The following TNS1 variants were observed in gnomAD, a reference collection of about 807,000 sequenced individuals.
The protein encoded by TNS1 is tensin 1, also known as tensin-1.
In TNS1, 62 loss-of-function variants were observed where a neutral mutation model predicts 168.6. The observed-to-expected ratio is 0.37, with a 90% CI of 0.30 to 0.45. The LOEUF (loss-of-function observed/expected upper bound fraction) is 0.45, where lower values mean the gene tolerates loss of function less well. TNS1 is among the 20% of genes least tolerant of loss of function. The probability of loss-of-function intolerance (pLI) is 1.00; values close to 1 mark genes in which losing one functional copy is unlikely to be tolerated. For missense variants in TNS1, 2,240 were observed against 2,339.4 expected (o/e 0.96, Z 0.88); for synonymous variants, 934 against 933.2 (o/e 1.00, Z -0.02).
chr2:217,808,507 GCACA>G (rs112279658), intron 31 of TNS1, 92 bp downstream of exon 31: 409 of 1,013,708 alleles, frequency 4.0e-4, no homozygotes, highest in Non-Finnish European at 5.0e-4. Context: ...GTATGCACAT[GCACA>G]CACACACACA....
rs562614756 is a variant in TNS1 at position 217,812,125 on chromosome 2, G to A, written c.5032+243C>T. Reference sequence around the variant, plus strand: ...GGATTCCATATGAATTTCTTCATACGGAGAGTTTTCCTGAACAATCTGGCA... The same window carrying A: ...GGATTCCATATGAATTTCTTCATACAGAGAGTTTTCCTGAACAATCTGGCA... On this transcript the variant is annotated intron_variant, in intron 28 of 32. Transcript: ENST00000682258. Among the ~76,000 whole-genome samples, 10 of 152,294 alleles carry A rather than the reference G, an allele frequency of 6.6e-5. No homozygotes were observed. The South Asian group carries it at 8.3e-4, about 13-fold the overall frequency.
intron 18 of TNS1, among the ~76,000 whole-genome samples, chr2:217,860,238 C>A (rs1328676458): frequency 6.6e-6 from 1 of 152,190 alleles, no homozygotes; most frequent in South Asian, 2.1e-4. Flanking sequence ...TTCAGCACCC[C>A]TCTCTGGCTG....
intron 22 of TNS1, chr2:217,830,515 C>T: frequency 8.8e-7 from 1 of 1,136,968 alleles, no homozygotes. Context: ...CCCTGTCTCC[C>T]TCCACCATAA....
intron 18 of TNS1, among the ~76,000 whole-genome samples, chr2:217,863,517 G>A (rs940401922): frequency 6.6e-6 from 1 of 152,128 alleles, no homozygotes; most frequent in Non-Finnish European, 1.5e-5. Context: ...ACAGGTGAGA[G>A]GCCCTGAGCT....
At chr2:217,946,965 T>A (rs1334717691) in intron 3 of TNS1, among the ~76,000 whole-genome samples, 26,116 of 128,240 alleles carry the variant, frequency 0.2, 3,987 homozygotes, top group African/African-American at 0.52. Context: ...TCTCTCTCTC[T>A]CTCTCACACA....
upstream of TNS1, among the ~76,000 whole-genome samples, chr2:218,006,845 T>G (rs1358043843): frequency 6.6e-6 from 1 of 151,680 alleles, no homozygotes; most frequent in Non-Finnish European, 1.5e-5. Context: ...ACTCTGAAGG[T>G]CCAAGCGAAT....
chr2:217,916,827 G>C (rs566353364), intron 4 of TNS1, among the ~76,000 whole-genome samples: 1 of 152,292 alleles, frequency 6.6e-6, no homozygotes, highest in East Asian at 1.9e-4. Context: ...AGATCAGTGA[G>C]AAGTCCAGAC....
At chr2:218,031,441 G>C (rs575613783) in intron 1 of TNS1, among the ~76,000 whole-genome samples, 1 of 150,762 alleles carries the variant, frequency 6.6e-6, no homozygotes, top group African/African-American at 2.5e-5. Flanking sequence ...GTGTGTGCAT[G>C]TGTGTATGAG....
chr2:217,999,908 T>G (rs536492310), intron 1 of TNS1, among the ~76,000 whole-genome samples: 3 of 152,194 alleles, frequency 2.0e-5, no homozygotes, highest in Non-Finnish European at 2.9e-5. Context: ...CTTAGCTGGC[T>G]CAGGGCAGAG....
At chr2:217,825,939 C>T (rs553968678) in intron 22 of TNS1, among the ~76,000 whole-genome samples, 1 of 152,308 alleles carries the variant, frequency 6.6e-6, no homozygotes, top group South Asian at 2.1e-4. Flanking sequence ...CAGGATGGCT[C>T]GCCCAGGGAG....
At chr2:217,976,676 A>G (rs1957904758) in intron 3 of TNS1, among the ~76,000 whole-genome samples, 1 of 152,146 alleles carries the variant, frequency 6.6e-6, no homozygotes, top group Non-Finnish European at 1.5e-5. Context: ...CATCTTTGCC[A>G]TTTGCCTGTT....
intron 30 of TNS1, among the ~76,000 whole-genome samples, chr2:217,809,237 A>G (rs1165402998): frequency 0.011 from 767 of 69,062 alleles, 70 homozygotes; most frequent in African/African-American, 0.044. Context: ...GGATGGATGG[A>G]TGGATGGATG....
At chr2:217,823,102 A>C (rs888859229) in intron 22 of TNS1, among the ~76,000 whole-genome samples, 1 of 152,250 alleles carries the variant, frequency 6.6e-6, no homozygotes, top group Non-Finnish European at 1.5e-5. Flanking sequence ...TGCAATGGTC[A>C]GAGTTGGAGA....
At chr2:217,996,814 G>T (rs1958478372) in intron 1 of TNS1, among the ~76,000 whole-genome samples, 1 of 152,026 alleles carries the variant, frequency 6.6e-6, no homozygotes, top group Non-Finnish European at 1.5e-5. Context: ...GCTCTGTAAG[G>T]TCTGGCACCT....
intron 30 of TNS1, 69 bp from the exon 31 acceptor site, chr2:217,808,740 G>GCAGGT: frequency 6.9e-7 from 1 of 1,442,604 alleles, no homozygotes; most frequent in Non-Finnish European, 9.7e-7. Context: ...CCTTCCACCA[G>GCAGGT]CAGGTCAGGC....
At chr2:217,938,337 C>T (rs1296657233) in intron 3 of TNS1, among the ~76,000 whole-genome samples, 2 of 152,200 alleles carry the variant, frequency 1.3e-5, no homozygotes, top group East Asian at 1.9e-4. Context: ...TCAGGGGCAC[C>T]GGAAAACAGG....
chr2:217,890,981 C>A lies in TNS1; in HGVS notation c.847G>T (p.Gly283Cys). Residue 283 changes from glycine to cysteine, a missense_variant, in exon 12 of 33, where the codon GGC becomes TGC. By Grantham distance (159) the Gly-to-Cys change is radical (BLOSUM62 -3). Around this residue, in one of 2 missense-constraint regions of TNS1, gnomAD observed 2,131 missense variants for 2,171.2 expected, o/e 0.98. Transcript: ENST00000682258. ...RFYEDKIVPI[G>C]QPSQRRYVHY... ...ACCCACCTTCTTTGGGATGGCTGGC[C>A]AATGGGCACAATCTTATCCTCATAG... 2 of 1,614,208 alleles carry A rather than the reference C, an allele frequency of 1.2e-6. No homozygotes were observed. The highest frequency in any genetic ancestry group is 1.7e-6 in the Non-Finnish European group (2 of 1,180,038).
chr2:217,846,508 T>C (rs1653459862), intron 19 of TNS1, among the ~76,000 whole-genome samples: 1 of 152,128 alleles, frequency 6.6e-6, no homozygotes, highest in African/African-American at 2.4e-5. Flanking sequence ...CCTCTCCTCC[T>C]CGCTGAGCTC....
chr2:218,016,904 C>T (rs958243836), intron 1 of TNS1, among the ~76,000 whole-genome samples: 4 of 152,184 alleles, frequency 2.6e-5, no homozygotes, highest in Non-Finnish European at 2.9e-5. Flanking sequence ...TAAAGAGCAG[C>T]GAGTGGCAGT....
Sources: gnomAD v4.1 joint callset for allele counts (sites outside exome capture counted in the v4.1 genomes callset) on GRCh38, gnomAD v4.1.1 for gene constraint, gnomAD v4.1.1 regional missense constraint, MANE v1.5 for transcripts, NCBI Gene and HGNC (gene_info 2026-07-23, HGNC 2026-07-21) for gene names.